The following SCAF8 variants were observed in gnomAD, a reference collection of about 807,000 sequenced individuals.
SCAF8 encodes the protein SR-related CTD associated factor 8, also known as SR-related and CTD-associated factor 8.
In SCAF8, 23 loss-of-function variants were observed where a neutral mutation model predicts 140.5. The observed-to-expected ratio is 0.16, with a 90% confidence interval of 0.12 to 0.23. The LOEUF (loss-of-function observed/expected upper bound fraction) is 0.23, where lower values mean the gene tolerates loss of function less well. Among genes scored for constraint, SCAF8 ranks in the 10% least tolerant of loss-of-function variants. SCAF8 has a pLI of 1.00. For missense variants in SCAF8, 1,397 were observed against 1,555.7 expected, an observed-to-expected ratio of 0.90 and a Z score of 1.72; for synonymous variants, 575 against 528.9, an observed-to-expected ratio of 1.09 and a Z score of -1.20.
intron 1 of SCAF8, among the ~76,000 whole-genome samples, chr6:154,739,178 TG>T (rs1177280691): frequency 6.6e-6 from 1 of 151,978 alleles, no homozygotes; most frequent in Non-Finnish European, 1.5e-5. Context: ...TAGGGAAGGG[TG>T]GGGGGTGTCA....
Position 154,805,720 on chromosome 6 carries a change from A to G in SCAF8, c.981+234A>G, listed in dbSNP as rs188474985. ...ACCTTTATGGTTTTTTCTGTAATCA[A>G]ATTGTGTTCTGGTAACTTATGAATG... On this transcript the variant is annotated intron_variant, in intron 9 of 19. Coordinates refer to ENST00000367178, the MANE Select transcript of SCAF8 (RefSeq NM_014892.5). Among the ~76,000 whole-genome samples the G allele has an allele frequency of 9.9e-4, 151 of 152,080 alleles. 3 individuals are homozygous for G. The East Asian group carries it at 0.019, about 19-fold the overall frequency.
rs1339072375 is a variant in SCAF8 at position 154,776,423 on chromosome 6, T to A, written c.115-1578T>A. ...ATGATTAGTGAGTGATGGTTAACAT[T>A]GCATTGTCAACAAAACCTCCCAGAA... is the stretch of plus-strand genomic sequence containing the variant. On this transcript the variant is annotated intron_variant, in intron 2 of 19. Transcript: ENST00000367178. Among the ~76,000 whole-genome samples, 4 of 152,118 alleles carry A rather than the reference T, an allele frequency of 2.6e-5. No homozygotes were observed. In the East Asian group the frequency reaches 5.8e-4, roughly 22 times the overall value.
At chr6:154,768,264 T>A (rs1312039096) in intron 1 of SCAF8, among the ~76,000 whole-genome samples, 2 of 152,228 alleles carry the variant, frequency 1.3e-5, no homozygotes, top group African/African-American at 4.8e-5. Context: ...GTCATGACTT[T>A]GCTTCTTGAG....
In SCAF8 at chr6:154,733,866, T is replaced by G. The variant is rs749042198; in HGVS notation, c.-35T>G. On this transcript the variant is annotated 5_prime_UTR_variant, in exon 1 of 20. Coordinates refer to ENST00000367178, the MANE Select transcript of SCAF8 (RefSeq NM_014892.5). Reference sequence around the variant, plus strand: ...ACCCAGTGCAGTGGCCGCCGCCTCTTCCGCCGCCGGGCTCGGGGCCTCCGC... The same window carrying G: ...ACCCAGTGCAGTGGCCGCCGCCTCTGCCGCCGCCGGGCTCGGGGCCTCCGC... The G allele has an allele frequency of 1.9e-6, 3 of 1,542,066 alleles. No individual in the cohort carries two copies. In the African/African-American group the frequency reaches 4.3e-5, roughly 22 times the overall value.
intron 5 of SCAF8, 105 bp from the exon 6 acceptor site, chr6:154,794,904 C>A: frequency 1.2e-5 from 11 of 923,794 alleles, no homozygotes; most frequent in Non-Finnish European, 9.4e-6. Flanking sequence ...AAACAATATG[C>A]GTGCATGTGT....
chr6:154,789,743 C>T (rs1293449875), intron 4 of SCAF8, among the ~76,000 whole-genome samples: 2 of 151,662 alleles, frequency 1.3e-5, no homozygotes, highest in African/African-American at 4.8e-5. Context: ...GACAGGGTTT[C>T]ACCGTGTTAG....
At chr6:154,797,111 T>C (rs997445935) in intron 6 of SCAF8, among the ~76,000 whole-genome samples, 3 of 143,876 alleles carry the variant, frequency 2.1e-5, no homozygotes, top group Non-Finnish European at 3.2e-5. Context: ...ATAAATTTTA[T>C]AATAAATATT....
intron 1 of SCAF8, among the ~76,000 whole-genome samples, chr6:154,771,403 A>T (rs1391297642): frequency 1.3e-5 from 2 of 152,186 alleles, no homozygotes; most frequent in East Asian, 1.9e-4. Flanking sequence ...GACCTGAAAA[A>T]AGACGACTGT....
chr6:154,742,262 C>G (rs1359880518), intron 1 of SCAF8, among the ~76,000 whole-genome samples: 1 of 151,930 alleles, frequency 6.6e-6, no homozygotes, highest in Non-Finnish European at 1.5e-5. Context: ...TATATATAAA[C>G]TTTTGTTATG....
intron 13 of SCAF8, among the ~76,000 whole-genome samples, chr6:154,817,353 C>A (rs1237020556): frequency 2.0e-5 from 3 of 152,076 alleles, no homozygotes; most frequent in Non-Finnish European, 4.4e-5. Flanking sequence ...TATCACGGTC[C>A]CTTGAGCATC....
At chr6:154,746,380 G>C (rs1778699221) in intron 1 of SCAF8, among the ~76,000 whole-genome samples, 1 of 152,078 alleles carries the variant, frequency 6.6e-6, no homozygotes, top group African/African-American at 2.4e-5. Flanking sequence ...TTTAGTGTGT[G>C]TATATCTATC....
At chr6:154,744,258 C>T (rs1185275146) in intron 1 of SCAF8, among the ~76,000 whole-genome samples, 1 of 152,098 alleles carries the variant, frequency 6.6e-6, no homozygotes. Flanking sequence ...CACCACTGCA[C>T]TCTAGTCTGG....
intron 2 of SCAF8, among the ~76,000 whole-genome samples, chr6:154,776,204 G>T (rs1397802459): frequency 6.8e-6 from 1 of 147,242 alleles, no homozygotes; most frequent in African/African-American, 2.5e-5. Context: ...TCACCCAGCA[G>T]TTTTTTTTTT....
chr6:154,797,152 A>G (rs766977173), intron 6 of SCAF8, among the ~76,000 whole-genome samples: 1 of 151,676 alleles, frequency 6.6e-6, no homozygotes, highest in Admixed American at 6.6e-5. Context: ...TTTGTTTTTC[A>G]TAGTTGTACG....
At chr6:154,757,549 A>T (rs1053783444) in intron 1 of SCAF8, among the ~76,000 whole-genome samples, 1 of 152,140 alleles carries the variant, frequency 6.6e-6, no homozygotes, top group Non-Finnish European at 1.5e-5. Context: ...ATACTAAACT[A>T]CTGTATGAAA....
rs1043319026 is a variant in SCAF8 at position 154,809,961 on chromosome 6, G to C, written c.1227-54G>C. 109 of 1,419,278 alleles carry C rather than the reference G, an allele frequency of 7.7e-5. No homozygotes were observed. The African/African-American group carries it at 1.4e-3, about 19-fold the overall frequency. 87.9% of individuals were successfully genotyped at this position (1,419,278 alleles called of 1,614,324 possible). A position where few individuals can be genotyped will look rare whatever the true frequency, so the allele number is the denominator to read the frequency against. ...TTTTTTCCCTCACTTAGAAGTGACAGATTTGGTAGAAAGAAAACATTGTCA... is the reference window on the plus strand; with the variant it reads ...TTTTTTCCCTCACTTAGAAGTGACACATTTGGTAGAAAGAAAACATTGTCA... On this transcript the variant is annotated intron_variant, in intron 11 of 19. Transcript: ENST00000367178.
chr6:154,793,443 T>G (rs1237163042), intron 5 of SCAF8, among the ~76,000 whole-genome samples: 1 of 151,750 alleles, frequency 6.6e-6, no homozygotes, highest in Non-Finnish European at 1.5e-5. Context: ...TTTTTGAAAT[T>G]TTTATGAAAA....
rs908774581 is a variant in SCAF8 at position 154,742,182 on chromosome 6, A to G, written c.30+8252A>G. ...CTTAAAAGAGAGCGTCTAGGGAATA[A>G]GTTGAATTGCTTCACAAAAAGGTTA... On this transcript the variant is annotated intron_variant, in intron 1 of 19. Transcript: ENST00000367178. Among the ~76,000 whole-genome samples the G allele has an allele frequency of 4.6e-5, 7 of 152,314 alleles. 1 individual carries two copies. Among genetic ancestry groups the G allele is most frequent in the African/African-American group, 1.7e-4 (7 of 41,574 alleles).
intron 16 of SCAF8, among the ~76,000 whole-genome samples, chr6:154,823,937 G>A (rs554967726): frequency 6.6e-6 from 1 of 152,282 alleles, no homozygotes; most frequent in East Asian, 1.9e-4. Flanking sequence ...TACTGAGTGG[G>A]AGATGGCAGT....
Sources: gnomAD v4.1 joint callset for allele counts (sites outside exome capture counted in the v4.1 genomes callset) on GRCh38, gnomAD v4.1.1 for gene constraint, MANE v1.5 for transcripts, NCBI Gene and HGNC (gene_info 2026-07-23, HGNC 2026-07-21) for gene names.